Variants in CFAP61 observed in about 807,000 individuals in gnomAD.
CFAP61 encodes cilia and flagella associated protein 61.
In CFAP61, 107 loss-of-function variants were observed where a neutral mutation model predicts 135.6. The ratio of observed to expected loss-of-function variants is 0.79; its 90% CI spans 0.67 to 0.93. The LOEUF is 0.93. Ranked by LOEUF, CFAP61 falls within the 40% of genes least tolerant of loss-of-function variation. CFAP61 has a pLI of 0.00. For synonymous variants in CFAP61, 575 were observed against 578.5 expected (o/e 0.99, Z 0.09); for missense variants, 1,507 against 1,556.2 (o/e 0.97, Z 0.53).
chr20:20,085,415 G>A (rs772356197), intron 6 of CFAP61: 5 of 1,362,536 alleles, frequency 3.7e-6, no homozygotes, highest in Admixed American at 1.9e-5. Flanking sequence ...ATTACCCCAA[G>A]GAATGCATTT....
intron 17 of CFAP61, among the ~76,000 whole-genome samples, chr20:20,216,498 C>A (rs187563231): frequency 3.5e-4 from 54 of 152,322 alleles, no homozygotes; most frequent in African/African-American, 6.7e-4. Flanking sequence ...AGACACCCTG[C>A]AAGTCACAGC....
chr20:20,334,338 G>T (rs1001096216), intron 25 of CFAP61, among the ~76,000 whole-genome samples: 1 of 152,116 alleles, frequency 6.6e-6, no homozygotes, highest in African/African-American at 2.4e-5. Flanking sequence ...TCTTGGCCAG[G>T]CTGGTCTCGA....
intron 21 of CFAP61, among the ~76,000 whole-genome samples, chr20:20,275,513 T>C (rs973173597): frequency 1.5e-4 from 23 of 152,178 alleles, no homozygotes; most frequent in African/African-American, 5.3e-4. Context: ...CTGCAGTCCG[T>C]GGACCACCCT....
chr20:20,091,191 G>A (rs1478833909), intron 7 of CFAP61, among the ~76,000 whole-genome samples: 1 of 152,156 alleles, frequency 6.6e-6, no homozygotes, highest in Admixed American at 6.5e-5. Flanking sequence ...AGATGCCCAC[G>A]ATGCTGTAGA....
intron 17 of CFAP61, among the ~76,000 whole-genome samples, chr20:20,224,791 T>A (rs536100816): frequency 1.3e-5 from 2 of 152,334 alleles, no homozygotes; most frequent in East Asian, 3.9e-4. Context: ...AGAATTGGAT[T>A]TCCCATCCAT....
intron 19 of CFAP61, among the ~76,000 whole-genome samples, chr20:20,247,571 G>A (rs929019350): frequency 7.9e-5 from 12 of 152,204 alleles, no homozygotes; most frequent in African/African-American, 2.9e-4. Context: ...TATTAAATGA[G>A]ATGAAAAAGT....
chr20:20,315,810 CTTG>C (rs1018029617), intron 25 of CFAP61, among the ~76,000 whole-genome samples: 1 of 152,192 alleles, frequency 6.6e-6, no homozygotes, highest in Admixed American at 6.5e-5. Context: ...TTCCCCATTG[CTTG>C]TTTTTCTCAG....
chr20:20,054,517 A>G (rs2044129481), intron 1 of CFAP61, among the ~76,000 whole-genome samples: 1 of 152,232 alleles, frequency 6.6e-6, no homozygotes, highest in Non-Finnish European at 1.5e-5. Context: ...GCACATGAAA[A>G]TTATACATAA....
chr20:20,182,142 C>G (rs1040842215), intron 13 of CFAP61, among the ~76,000 whole-genome samples: 2 of 152,244 alleles, frequency 1.3e-5, no homozygotes, highest in Admixed American at 6.5e-5. Context: ...TTTATAAACC[C>G]TCAATGAATA....
chr20:20,200,857 ACCT>A lies in CFAP61; in HGVS notation c.1932+958_1932+960del, dbSNP rs2056581825. 7 of 985,192 alleles carry A rather than the reference ACCT, an allele frequency of 7.1e-6. No homozygotes were observed. In the South Asian group the frequency reaches 3.3e-4, roughly 46 times the overall value. The allele number at this position is 985,192 out of a possible 1,614,324, so 61.0% of individuals were successfully genotyped here. A position where few individuals can be genotyped will look rare whatever the true frequency, so the allele number is the denominator to read the frequency against. ...GTGCGTGCACTGAGGGATGGGGCGT[ACCT>A]CCATCAGACCAACTCAGAGGCAGCT... On this transcript the variant is annotated intron_variant, in intron 17 of 26. Coordinates refer to ENST00000245957, the MANE Select transcript of CFAP61 (RefSeq NM_015585.4).
chr20:20,111,457 T>G (rs60824936), intron 8 of CFAP61, among the ~76,000 whole-genome samples: 14,987 of 152,206 alleles, frequency 0.098, 1,552 homozygotes, highest in East Asian at 0.6. Flanking sequence ...GAACCCTGAA[T>G]GCAGGCACCA....
chr20:20,177,867 A>T (rs895217809), intron 13 of CFAP61, among the ~76,000 whole-genome samples: 3 of 151,892 alleles, frequency 2.0e-5, no homozygotes, highest in Non-Finnish European at 4.4e-5. Flanking sequence ...GACCTGAAGG[A>T]GGTGAGGAGG....
chr20:20,296,295 T>C (rs1489374778), intron 24 of CFAP61, among the ~76,000 whole-genome samples: 1 of 72,848 alleles, frequency 1.4e-5, no homozygotes, highest in African/African-American at 6.1e-5. Context: ...CCTTCCCTCC[T>C]TCCCTTCCTT....
At chr20:20,349,040 A>T (rs1442201282) in intron 26 of CFAP61, among the ~76,000 whole-genome samples, 1 of 152,262 alleles carries the variant, frequency 6.6e-6, no homozygotes, top group Non-Finnish European at 1.5e-5. Flanking sequence ...CACACTGGAA[A>T]GGAAGAAGTG....
At chr20:20,108,754 G>GT (rs1369321653) in intron 8 of CFAP61, among the ~76,000 whole-genome samples, 2 of 117,694 alleles carry the variant, frequency 1.7e-5, no homozygotes, top group African/African-American at 6.8e-5. Context: ...CCATGTCAAC[G>GT]TAAGTTGCCA....
chr20:20,266,970 G>A (rs2052797757), intron 21 of CFAP61, among the ~76,000 whole-genome samples: 1 of 152,188 alleles, frequency 6.6e-6, no homozygotes, highest in South Asian at 2.1e-4. Flanking sequence ...TTCTATGTGT[G>A]ATGGAATTAA....
chr20:20,091,531 T>C (rs1000869785), intron 7 of CFAP61, among the ~76,000 whole-genome samples: 2 of 151,604 alleles, frequency 1.3e-5, no homozygotes, highest in African/African-American at 4.9e-5. Context: ...CTCATGTATA[T>C]TCTGAACCAT....
At chr20:20,157,088 T>C (rs1417826052) in intron 9 of CFAP61, among the ~76,000 whole-genome samples, 1 of 152,134 alleles carries the variant, frequency 6.6e-6, no homozygotes, top group African/African-American at 2.4e-5. Context: ...TATTGTAAGA[T>C]TCTTTTTTTT....
chr20:20,237,438 T>C (rs2049682046), intron 18 of CFAP61, among the ~76,000 whole-genome samples: 1 of 151,830 alleles, frequency 6.6e-6, no homozygotes, highest in East Asian at 1.9e-4. Context: ...AAGAGAGAAG[T>C]AGGGTCAGGG....
Sources: allele counts gnomAD v4.1 joint callset (sites outside exome capture counted in the v4.1 genomes callset), GRCh38; gene constraint gnomAD v4.1.1; transcripts MANE v1.5; gene names NCBI Gene and HGNC (gene_info 2026-07-23, HGNC 2026-07-21).